ALDH1L1: variants seen among roughly 807,000 people sequenced by gnomAD.
ALDH1L1 encodes the protein aldehyde dehydrogenase 1 family member L1.
ALDH1L1 carries 68 observed loss-of-function variants against 101.1 expected under a neutral mutation model. That is an observed-to-expected ratio of 0.67 (90% CI 0.55 to 0.82). The LOEUF is 0.82. Among genes scored for constraint, ALDH1L1 ranks in the 40% least tolerant of loss-of-function variants. The probability of loss-of-function intolerance (pLI) is 0.00; values close to 1 mark genes in which losing one functional copy is unlikely to be tolerated. For missense variants in ALDH1L1, 1,087 were observed against 1,172.7 expected (o/e 0.93, Z 1.07); for synonymous variants, 486 against 470.8 (o/e 1.03, Z -0.42).
intron 11 of ALDH1L1, 107 bp from the exon 12 acceptor site, chr3:126,135,769 G>A: frequency 7.5e-7 from 1 of 1,334,220 alleles, no homozygotes. Flanking sequence ...GGCGGCCCCT[G>A]TCCACATGAG....
rs111843713 is a variant in ALDH1L1 at position 126,125,365 on chromosome 3, C to T, written c.1800+251G>A. On this transcript the variant is annotated intron_variant, in intron 15 of 22. Transcript: ENST00000393434. ...TCCCTGCCTCTGCTCACCCGAGCAGCTGCAAGTTCCAGCACAGCCAGATGG... is the reference window on the plus strand; with the variant it reads ...TCCCTGCCTCTGCTCACCCGAGCAGTTGCAAGTTCCAGCACAGCCAGATGG... Among the ~76,000 whole-genome samples, 551 of 152,344 alleles carry T rather than the reference C, an allele frequency of 3.6e-3. 6 individuals are homozygous for T. The highest frequency in any genetic ancestry group is 0.013 in the African/African-American group (523 of 41,578).
At chr3:126,147,760 C>T (rs906820494) in intron 8 of ALDH1L1, among the ~76,000 whole-genome samples, 1 of 152,094 alleles carries the variant, frequency 6.6e-6, no homozygotes, top group Admixed American at 6.5e-5. Flanking sequence ...GAACCAGTTC[C>T]CCCAACCCCT....
chr3:126,117,683 A>C (rs541539670), intron 17 of ALDH1L1, among the ~76,000 whole-genome samples: 18 of 144,614 alleles, frequency 1.2e-4, no homozygotes, highest in South Asian at 6.6e-4. Context: ...ACAAAAAAAA[A>C]CCCCAAACAT....
At chr3:126,169,682 T>G (rs2081236249) in intron 1 of ALDH1L1, among the ~76,000 whole-genome samples, 1 of 152,238 alleles carries the variant, frequency 6.6e-6, no homozygotes, top group African/African-American at 2.4e-5. Flanking sequence ...TGGCTGGGCT[T>G]GGCTTTAACA....
chr3:126,135,409 G>T lies in ALDH1L1; in HGVS notation c.1472+126C>A, dbSNP rs769807329. On this transcript the variant is annotated intron_variant, in intron 12 of 22. Transcript: ENST00000393434. ...CAGCCTGGCCCATCTGATGGCCTCG[G>T]TCCCATAGCCTCCCCAGGACCCAGC... The T allele has an allele frequency of 2.8e-4, 380 of 1,361,140 alleles. 1 individual carries two copies. Among genetic ancestry groups the T allele is most frequent in the African/African-American group, 2.4e-3 (159 of 66,836 alleles). 84.3% of individuals were successfully genotyped at this position (1,361,140 alleles called of 1,614,324 possible).
chr3:126,168,218 G>T (rs1424396777), intron 1 of ALDH1L1, among the ~76,000 whole-genome samples: 1 of 152,000 alleles, frequency 6.6e-6, no homozygotes, highest in East Asian at 1.9e-4. Flanking sequence ...AAACTCAAAA[G>T]AGTATTATAT....
intron 22 of ALDH1L1, chr3:126,105,020 G>A (rs146967280): frequency 0.012 from 2,002 of 161,770 alleles, 20 homozygotes; most frequent in Admixed American, 0.023. Context: ...AGAGAGGGCC[G>A]GAGCAGAACT....
intron 16 of ALDH1L1, among the ~76,000 whole-genome samples, chr3:126,118,343 A>G (rs2080016128): frequency 6.6e-6 from 1 of 152,200 alleles, no homozygotes; most frequent in African/African-American, 2.4e-5. Flanking sequence ...CTGTGTTTGG[A>G]GATGTGGCCT....
At chr3:126,148,682 C>A (rs979239056) in intron 8 of ALDH1L1, among the ~76,000 whole-genome samples, 28 of 151,000 alleles carry the variant, frequency 1.9e-4, no homozygotes, top group African/African-American at 6.6e-4. Flanking sequence ...ACAGCTGAGA[C>A]CTGCAGGTAC....
intron 15 of ALDH1L1, among the ~76,000 whole-genome samples, chr3:126,124,742 G>T (rs1340645249): frequency 1.3e-5 from 2 of 152,218 alleles, no homozygotes; most frequent in Non-Finnish European, 2.9e-5. Context: ...CACAGCATAA[G>T]TTTCTAAAGC....
intron 5 of ALDH1L1, among the ~76,000 whole-genome samples, 158 bp downstream of exon 5, chr3:126,155,244 C>G (rs533924164): frequency 6.6e-6 from 1 of 152,312 alleles, no homozygotes; most frequent in Admixed American, 6.5e-5. Flanking sequence ...TCCTCCACGG[C>G]TCTCTTCATG....
intron 8 of ALDH1L1, among the ~76,000 whole-genome samples, chr3:126,149,628 C>T (rs2080769247): frequency 6.6e-6 from 1 of 152,226 alleles, no homozygotes; most frequent in South Asian, 2.1e-4. Flanking sequence ...ACACAAATGC[C>T]TCATGTCCAT....
intron 1 of ALDH1L1, among the ~76,000 whole-genome samples, chr3:126,174,229 C>T (rs1264173929): frequency 6.6e-6 from 1 of 152,172 alleles, no homozygotes; most frequent in African/African-American, 2.4e-5. Flanking sequence ...GTAGAGCCTC[C>T]ATGTTGGTCA....
chr3:126,148,347 T>C (rs998725902), intron 8 of ALDH1L1, among the ~76,000 whole-genome samples: 3 of 152,146 alleles, frequency 2.0e-5, no homozygotes, highest in African/African-American at 4.8e-5. Context: ...CCTCAGCTCA[T>C]GAAGGCATAG....
intron 9 of ALDH1L1, 106 bp downstream of exon 9, chr3:126,146,729 T>C: frequency 1.6e-6 from 2 of 1,243,864 alleles, no homozygotes; most frequent in Non-Finnish European, 2.3e-6. Context: ...CTGGCCCACA[T>C]GATCCATGAG....
intron 5 of ALDH1L1, among the ~76,000 whole-genome samples, chr3:126,154,918 A>G (rs1197287016): frequency 6.6e-6 from 1 of 152,166 alleles, no homozygotes; most frequent in Non-Finnish European, 1.5e-5. Flanking sequence ...CCCCAGCACA[A>G]TGTACTCAGG....
chr3:126,181,073 G>T (rs1230554810), upstream of ALDH1L1: 9 of 1,444,436 alleles, frequency 6.2e-6, no homozygotes, highest in East Asian at 2.2e-4. Context: ...GGATAGCGGC[G>T]CTTCTGCCCG....
chr3:126,165,271 C>G (rs1460493508), intron 1 of ALDH1L1, among the ~76,000 whole-genome samples: 1 of 152,132 alleles, frequency 6.6e-6, no homozygotes, highest in Non-Finnish European at 1.5e-5. Flanking sequence ...AAGAATAAAG[C>G]CCACTTAAGC....
intron 9 of ALDH1L1, among the ~76,000 whole-genome samples, chr3:126,145,846 T>A (rs1224283596): frequency 2.6e-5 from 4 of 152,230 alleles, no homozygotes; most frequent in Non-Finnish European, 2.9e-5. Flanking sequence ...ACATTTTTTT[T>A]AAAAGGACAT....
Sources: allele counts gnomAD v4.1 joint callset (sites outside exome capture counted in the v4.1 genomes callset), GRCh38; gene constraint gnomAD v4.1.1; transcripts MANE v1.5; gene names NCBI Gene and HGNC (gene_info 2026-07-23, HGNC 2026-07-21).